LINGO2: variants seen among roughly 807,000 people sequenced by gnomAD.
LINGO2 encodes leucine-rich repeat and immunoglobulin-like domain-containing nogo receptor-interacting protein 2.
Under a neutral mutation model 30.6 loss-of-function variants are expected in LINGO2, and 14 were observed. The observed-to-expected ratio is 0.46, with a 90% CI of 0.30 to 0.72. The LOEUF is 0.72. Ranked by LOEUF, LINGO2 falls within the 30% of genes least tolerant of loss-of-function variation. The pLI, the probability that LINGO2 is intolerant of heterozygous loss-of-function variation, is 0.07. For synonymous variants in LINGO2, 317 were observed against 288.5 expected, an observed-to-expected ratio of 1.10 and a Z score of -1.00; for missense variants, 729 against 751.7, an observed-to-expected ratio of 0.97 and a Z score of 0.35.
At chr9:28,060,879 G>T (rs2133121793) in intron 4 of LINGO2, among the ~76,000 whole-genome samples, 3 of 152,162 alleles carry the variant, frequency 2.0e-5, no homozygotes, top group Middle Eastern at 6.8e-3. Flanking sequence ...TCTTGGAAAT[G>T]CCATGCTCCT....
chr9:28,471,898 C>T (rs561581813), intron 2 of LINGO2, among the ~76,000 whole-genome samples: 43 of 152,206 alleles, frequency 2.8e-4, no homozygotes, highest in Middle Eastern at 6.8e-3. Context: ...TAAACTATTG[C>T]CACACATAGG....
chr9:28,502,148 A>ACG (rs1819915844), intron 1 of LINGO2, among the ~76,000 whole-genome samples: 1 of 151,346 alleles, frequency 6.6e-6, no homozygotes, highest in Non-Finnish European at 1.5e-5. Flanking sequence ...ACACACACAC[A>ACG]CACACACACA....
intron 1 of LINGO2, among the ~76,000 whole-genome samples, chr9:28,495,704 T>C (rs2135288327): frequency 6.6e-6 from 1 of 152,318 alleles, no homozygotes; most frequent in Non-Finnish European, 1.5e-5. Context: ...CTGATAGCTT[T>C]TGAATGTGTT....
chr9:28,626,806 T>C (rs934653185), intron 1 of LINGO2, among the ~76,000 whole-genome samples: 2 of 150,216 alleles, frequency 1.3e-5, no homozygotes, highest in Admixed American at 6.8e-5. Context: ...TAAATGTTTT[T>C]TTCAGCTCTA....
intron 5 of LINGO2, among the ~76,000 whole-genome samples, chr9:27,976,382 T>C (rs1240439716): frequency 6.6e-6 from 1 of 152,048 alleles, no homozygotes; most frequent in Non-Finnish European, 1.5e-5. Flanking sequence ...GTTCTAAAAG[T>C]GTGAATGTTC....
At chr9:28,819,555 T>C in the LINGO2 span, among the ~76,000 whole-genome samples, 4 of 152,216 alleles carry the variant, frequency 2.6e-5, no homozygotes, top group Admixed American at 2.6e-4. Context: ...TGAGATCATG[T>C]CTACTTATTC....
At chr9:28,616,982 A>G (rs955947098) in intron 1 of LINGO2, among the ~76,000 whole-genome samples, 8 of 152,160 alleles carry the variant, frequency 5.3e-5, no homozygotes, top group Admixed American at 2.6e-4. Context: ...AAATTGTGAC[A>G]ATTTTTCACT....
Position 28,147,768 on chromosome 9 carries a change from C to T in LINGO2, c.-86-135363G>A, listed in dbSNP as rs939506862. On this transcript the variant is annotated intron_variant, in intron 4 of 5. Coordinates refer to ENST00000379992, the Ensembl canonical transcript of LINGO2. The surrounding 1 kb of genome is among the most constrained non-coding windows in gnomAD (Gnocchi z 4.7). ...CCCTGAGGCTAGAGTCCAGCTGGAC[C>T]GGTGGAAGGGTCTCACCCTTTGCCC... Among the ~76,000 whole-genome samples the T allele has an allele frequency of 3.3e-5, 5 of 152,124 alleles. No individual in the cohort carries two copies. Among genetic ancestry groups the T allele is most frequent in the African/African-American group, 4.8e-5 (2 of 41,430 alleles).
At chr9:27,984,937 A>G (rs1821052985) in intron 5 of LINGO2, among the ~76,000 whole-genome samples, 1 of 151,938 alleles carries the variant, frequency 6.6e-6, no homozygotes, top group South Asian at 2.1e-4. Context: ...GAAATAGCGT[A>G]TTTAATTATA....
chr9:28,497,477 A>G (rs1484962550), intron 1 of LINGO2, among the ~76,000 whole-genome samples: 2 of 152,148 alleles, frequency 1.3e-5, no homozygotes, highest in Admixed American at 6.5e-5. Context: ...TGCATTCGTC[A>G]TGTAGTTCTT....
intron 4 of LINGO2, among the ~76,000 whole-genome samples, chr9:28,063,338 C>G (rs1268274117): frequency 6.6e-6 from 1 of 151,996 alleles, no homozygotes; most frequent in Non-Finnish European, 1.5e-5. Context: ...GTCTTTGATT[C>G]ATATAATATT....
chr9:28,124,103 T>A (rs185809806), intron 4 of LINGO2, among the ~76,000 whole-genome samples: 5 of 152,320 alleles, frequency 3.3e-5, no homozygotes, highest in Admixed American at 1.3e-4. Context: ...TACTGTGGAT[T>A]CTCTCAAGGA....
At chr9:28,945,812 T>C in the LINGO2 span, among the ~76,000 whole-genome samples, 1 of 152,202 alleles carries the variant, frequency 6.6e-6, no homozygotes, top group Non-Finnish European at 1.5e-5. Flanking sequence ...ACAGGTTATA[T>C]GAACAAACCT....
intron 2 of LINGO2, among the ~76,000 whole-genome samples, chr9:28,466,299 A>G (rs1825300290): frequency 6.6e-6 from 1 of 152,206 alleles, no homozygotes; most frequent in Non-Finnish European, 1.5e-5. Flanking sequence ...AAGATGGCTG[A>G]TCCCATCATT....
chr9:28,655,364 A>G lies in LINGO2; in HGVS notation c.-365+14836T>C, dbSNP rs190011128. On this transcript the variant is annotated intron_variant, in intron 1 of 5. Transcript: ENST00000379992. ...CCCCCATTGTATCTAGGAAGTAACT[A>G]ACTTGCTTTTGAATTTACCGGCTCA... Among the ~76,000 whole-genome samples, 7 of 152,088 alleles carry G rather than the reference A, an allele frequency of 4.6e-5. No individual in the cohort carries two copies. The Middle Eastern group carries it at 0.01, about 222-fold the overall frequency.
the LINGO2 span, among the ~76,000 whole-genome samples, chr9:29,210,483 C>T: frequency 6.6e-6 from 1 of 152,000 alleles, no homozygotes; most frequent in African/African-American, 2.4e-5. Flanking sequence ...CTTTTTCACA[C>T]CATAAAAATT....
chr9:28,587,511 A>C (rs1006412996), intron 1 of LINGO2, among the ~76,000 whole-genome samples: 1 of 151,830 alleles, frequency 6.6e-6, no homozygotes, highest in Non-Finnish European at 1.5e-5. Context: ...TGAGTGGTAA[A>C]GGTGTGTGAC....
At chr9:28,710,589 G>A in the LINGO2 span, among the ~76,000 whole-genome samples, 32 of 151,928 alleles carry the variant, frequency 2.1e-4, 1 homozygote, top group Non-Finnish European at 4.3e-4. Context: ...TTGTTCAGGG[G>A]TTAATAGAAA....
intron 1 of LINGO2, among the ~76,000 whole-genome samples, chr9:28,549,431 G>C (rs1325048007): frequency 1.3e-5 from 2 of 151,978 alleles, no homozygotes; most frequent in Admixed American, 1.3e-4. Flanking sequence ...AAACATTGTG[G>C]TAGGGAGCTG....
Sources: allele counts gnomAD v4.1 joint callset (sites outside exome capture counted in the v4.1 genomes callset), GRCh38; gene constraint gnomAD v4.1.1; non-coding constraint Gnocchi (gnomAD v3.1); transcripts MANE v1.5; gene names NCBI Gene and HGNC (gene_info 2026-07-23, HGNC 2026-07-21).